Variants in FAM135B observed in about 807,000 individuals in gnomAD.
The protein encoded by FAM135B is family with sequence similarity 135 member B, also known as protein FAM135B.
FAM135B carries 43 observed loss-of-function variants against 127.7 expected under a neutral mutation model. That is an observed-to-expected ratio of 0.34 (90% CI 0.26 to 0.43). The LOEUF (loss-of-function observed/expected upper bound fraction) is 0.43. Ranked by LOEUF, FAM135B falls within the 20% of genes least tolerant of loss-of-function variation. The pLI is 1.00. For synonymous variants in FAM135B, 670 were observed against 665.1 expected (o/e 1.01, Z -0.11); for missense variants, 1,558 against 1,725.6 (o/e 0.90, Z 1.72).
chr8:138,480,534 T>G (rs1005372136), intron 1 of FAM135B, among the ~76,000 whole-genome samples: 1 of 152,184 alleles, frequency 6.6e-6, no homozygotes, highest in Non-Finnish European at 1.5e-5. Flanking sequence ...AATAGGATTT[T>G]TTTAATCTAA....
At chr8:138,373,739 C>T (rs970867050) in intron 1 of FAM135B, among the ~76,000 whole-genome samples, 1 of 151,980 alleles carries the variant, frequency 6.6e-6, no homozygotes, top group Non-Finnish European at 1.5e-5. Context: ...TCTAAAATGG[C>T]CCCCTTGGGT....
intron 18 of FAM135B, among the ~76,000 whole-genome samples, chr8:138,138,391 G>A (rs549081618): frequency 3.0e-4 from 46 of 152,336 alleles, no homozygotes; most frequent in Non-Finnish European, 5.3e-4. Flanking sequence ...GCCAGCTTGT[G>A]TGGTGGGACT....
In FAM135B at chr8:138,242,402, A is replaced by C. The variant is rs1182693286; in HGVS notation, c.669+540T>G. Among the ~76,000 whole-genome samples, 1 of 152,072 alleles carries C rather than the reference A, an allele frequency of 6.6e-6. No individual in the cohort carries two copies. The highest frequency in any genetic ancestry group is 1.9e-4 in the East Asian group (1 of 5,176). ...GAGCAGGGGATGTTTCCTAGGATAA[A>C]AGAACAAGGGGAAGGACAGGATATG... On this transcript the variant is annotated intron_variant, in intron 7 of 19. Coordinates refer to ENST00000395297, the MANE Select transcript of FAM135B (RefSeq NM_015912.4). The surrounding 1 kb of genome is among the most constrained non-coding windows in gnomAD (Gnocchi z 9.6).
chr8:138,284,363 CAG>C (rs1365048643), intron 3 of FAM135B, among the ~76,000 whole-genome samples: 1 of 152,152 alleles, frequency 6.6e-6, no homozygotes, highest in African/African-American at 2.4e-5. Flanking sequence ...GACTCCTGTG[CAG>C]ACTTTCTCCA....
chr8:138,154,534 T>C (rs1014948292), intron 12 of FAM135B, among the ~76,000 whole-genome samples: 4 of 152,022 alleles, frequency 2.6e-5, no homozygotes, highest in Admixed American at 2.0e-4. Flanking sequence ...ATAAAGAAGG[T>C]AAAAACCTTG....
At chr8:138,443,494 CT>C (rs777019541) in intron 1 of FAM135B, among the ~76,000 whole-genome samples, 1 of 152,100 alleles carries the variant, frequency 6.6e-6, no homozygotes, top group Non-Finnish European at 1.5e-5. Context: ...TTTTCAAAAT[CT>C]TACACCAAAC....
At chr8:138,162,840 C>T (rs141648451) in intron 12 of FAM135B, among the ~76,000 whole-genome samples, 13 of 152,170 alleles carry the variant, frequency 8.5e-5, no homozygotes, top group Admixed American at 4.6e-4. Flanking sequence ...AGAGAACCCA[C>T]GCCATAGAAA....
At chr8:138,412,880 ACT>A (rs1435372987) in intron 1 of FAM135B, among the ~76,000 whole-genome samples, 6 of 151,542 alleles carry the variant, frequency 4.0e-5, no homozygotes, top group Non-Finnish European at 5.9e-5. Flanking sequence ...TTGCTTCCTG[ACT>A]CTCTCTCCTG....
chr8:138,402,232 T>C (rs188039547), intron 1 of FAM135B, among the ~76,000 whole-genome samples: 352 of 152,222 alleles, frequency 2.3e-3, no homozygotes, highest in African/African-American at 7.1e-3. Context: ...CTTCCTTCCC[T>C]TGGGCGTGAA....
chr8:138,423,503 G>C (rs899020589), intron 1 of FAM135B, among the ~76,000 whole-genome samples: 2 of 152,076 alleles, frequency 1.3e-5, no homozygotes, highest in African/African-American at 4.8e-5. Flanking sequence ...CCCACAAGCC[G>C]CAAAACCAGC....
chr8:138,458,194 G>C (rs542931641), intron 1 of FAM135B, among the ~76,000 whole-genome samples: 2 of 152,258 alleles, frequency 1.3e-5, no homozygotes, highest in South Asian at 2.1e-4. Flanking sequence ...TGAGCATATA[G>C]TAGCATACTT....
chr8:138,472,510 G>A (rs1837737528), intron 1 of FAM135B, among the ~76,000 whole-genome samples: 1 of 152,154 alleles, frequency 6.6e-6, no homozygotes, highest in Admixed American at 6.6e-5. Context: ...AGTGAAGTGG[G>A]TCTCCTGTCA....
At chr8:138,457,343 G>A (rs1382144325) in intron 1 of FAM135B, among the ~76,000 whole-genome samples, 2 of 152,086 alleles carry the variant, frequency 1.3e-5, no homozygotes, top group African/African-American at 2.4e-5. Flanking sequence ...GCCACTGCAG[G>A]GTCATATTGT....
At chr8:138,165,722 G>T (rs1454502126) in intron 12 of FAM135B, among the ~76,000 whole-genome samples, 1 of 152,054 alleles carries the variant, frequency 6.6e-6, no homozygotes. Context: ...ACATATATAT[G>T]CAAACACACA....
chr8:138,192,400 T>C (rs1194411003), intron 9 of FAM135B, among the ~76,000 whole-genome samples: 1 of 152,200 alleles, frequency 6.6e-6, no homozygotes, highest in African/African-American at 2.4e-5. Context: ...TAGACTGCCT[T>C]TGTAAGACTA....
chr8:138,356,568 T>G (rs1347103554), intron 2 of FAM135B, among the ~76,000 whole-genome samples: 1 of 152,180 alleles, frequency 6.6e-6, no homozygotes, highest in Non-Finnish European at 1.5e-5. Context: ...AAAAGACAGT[T>G]TCACCCAATG....
At chr8:138,458,491 G>A (rs1836930183) in intron 1 of FAM135B, among the ~76,000 whole-genome samples, 1 of 152,204 alleles carries the variant, frequency 6.6e-6, no homozygotes, top group African/African-American at 2.4e-5. Context: ...GAGCAGAGTA[G>A]AAAGAATCTG....
intron 1 of FAM135B, among the ~76,000 whole-genome samples, chr8:138,368,500 G>C (rs74571192): frequency 0.014 from 2,096 of 152,252 alleles, 48 homozygotes; most frequent in African/African-American, 0.047. Flanking sequence ...ACTCTGCACG[G>C]TCATTTGTGT....
At chr8:138,445,748 C>A (rs1314238307) in intron 1 of FAM135B, among the ~76,000 whole-genome samples, 2 of 152,144 alleles carry the variant, frequency 1.3e-5, no homozygotes, top group Non-Finnish European at 1.5e-5. Flanking sequence ...TGGCACAAGA[C>A]AGGGATGCCC....
Sources: allele counts gnomAD v4.1 joint callset (sites outside exome capture counted in the v4.1 genomes callset), GRCh38; gene constraint gnomAD v4.1.1; non-coding constraint Gnocchi (gnomAD v3.1); transcripts MANE v1.5; gene names NCBI Gene and HGNC (gene_info 2026-07-23, HGNC 2026-07-21).